Variants in CCDC57 observed in about 807,000 individuals in gnomAD.
The protein encoded by CCDC57 is coiled-coil domain-containing protein 57.
A neutral mutation model predicts 118.9 loss-of-function variants in CCDC57; 118 were observed. The ratio of observed to expected loss-of-function variants is 0.99; its 90% confidence interval spans 0.86 to 1.16. The LOEUF (loss-of-function observed/expected upper bound fraction) is 1.16, where lower values mean the gene tolerates loss of function less well. CCDC57 is among the 50% of genes most tolerant of loss of function. The probability of loss-of-function intolerance (pLI) is 0.00; values close to 1 mark genes in which losing one functional copy is unlikely to be tolerated. For missense variants in CCDC57, 1,300 were observed against 1,320.7 expected, an observed-to-expected ratio of 0.98 and a Z score of 0.24; for synonymous variants, 527 against 532.9, an observed-to-expected ratio of 0.99 and a Z score of 0.15.
chr17:82,134,883 G>T (rs1354374326), intron 16 of CCDC57, among the ~76,000 whole-genome samples: 2 of 152,168 alleles, frequency 1.3e-5, no homozygotes, highest in Non-Finnish European at 2.9e-5. Flanking sequence ...AGCTTACTTA[G>T]AAATGACCCC....
intron 1 of CCDC57, among the ~76,000 whole-genome samples, chr17:82,208,274 T>C (rs948916326): frequency 2.0e-5 from 3 of 152,076 alleles, no homozygotes; most frequent in Admixed American, 6.6e-5. Flanking sequence ...ATTATTATTA[T>C]TTTAGACAGT....
At chr17:82,183,866 C>T (rs750142514) in exon 9 of CCDC57, 9 of 1,613,540 alleles carry the variant, frequency 5.6e-6, no homozygotes, top group Non-Finnish European at 7.6e-6. Context: ...TGGAGACCAT[C>T]TCCTTAGATA....
Position 82,143,943 on chromosome 17 carries a change from C to CA in CCDC57, c.2455+7616dup, listed in dbSNP as rs60893321. Among the ~76,000 whole-genome samples the CA allele has an allele frequency of 4.6e-3, 554 of 120,920 alleles. 2 individuals carry two copies. Among genetic ancestry groups the CA allele is most frequent in the African/African-American group, 0.013 (409 of 32,242 alleles). 79.3% of individuals were successfully genotyped at this position (120,920 alleles called of 152,430 possible). On this transcript the variant is annotated intron_variant, in intron 16 of 19. Transcript: ENST00000665763. Reference sequence around the variant, plus strand: ...GTGAAACCTGTCTCTACTAAAAATACAAAAAAAAAAAAAAAAAATTAGCTA... The same window carrying CA: ...GTGAAACCTGTCTCTACTAAAAATACAAAAAAAAAAAAAAAAAAATTAGCTA...
At chr17:82,195,414 AC>A in intron 4 of CCDC57, 50 bp from the exon 4 acceptor site, 1 of 1,430,494 alleles carries the variant, frequency 7.0e-7, no homozygotes, top group Non-Finnish European at 9.6e-7. Context: ...CCCAGCAAAG[AC>A]CCCCACCCAC....
At chr17:82,105,433 G>A (rs1266439685) in intron 19 of CCDC57, among the ~76,000 whole-genome samples, 1 of 152,120 alleles carries the variant, frequency 6.6e-6, no homozygotes, top group East Asian at 1.9e-4. Flanking sequence ...CGGCACCCAG[G>A]CCTTTAGTGC....
At chr17:82,177,589 G>A (rs1285356209) in intron 11 of CCDC57, among the ~76,000 whole-genome samples, 1 of 152,074 alleles carries the variant, frequency 6.6e-6, no homozygotes, top group African/African-American at 2.4e-5. Context: ...AATGAAGGAC[G>A]AGCTAGGAAC....
intron 4 of CCDC57, among the ~76,000 whole-genome samples, chr17:82,195,649 T>C (rs55813970): frequency 0.014 from 2,123 of 152,114 alleles, 39 homozygotes; most frequent in African/African-American, 0.048. Context: ...GAAAAATCCT[T>C]ATCTCCATTG....
At chr17:82,163,687 C>T (rs143151794) in intron 13 of CCDC57, among the ~76,000 whole-genome samples, 3 of 143,822 alleles carry the variant, frequency 2.1e-5, no homozygotes, top group African/African-American at 5.1e-5. Flanking sequence ...AAAAAGATGC[C>T]ACATAACACA....
At chr17:82,151,052 GAC>G (rs2041936110) in intron 16 of CCDC57, among the ~76,000 whole-genome samples, 1 of 108,102 alleles carries the variant, frequency 9.3e-6, no homozygotes, top group African/African-American at 3.5e-5. Context: ...CCCAGAACCT[GAC>G]CCGCACCCAG....
At chr17:82,206,212 C>A (rs1368855844) in intron 2 of CCDC57, among the ~76,000 whole-genome samples, 4 of 152,254 alleles carry the variant, frequency 2.6e-5, no homozygotes, top group African/African-American at 9.6e-5. Context: ...CATGGGTGGG[C>A]ATCCCATCAC....
At position 82,128,474 on chromosome 17, in the gene CCDC57, C is replaced by T. The variant is rs753188569; in HGVS notation, c.2682+19G>A. 13 of 1,526,318 alleles carry T rather than the reference C, an allele frequency of 8.5e-6. No homozygotes were observed. Among genetic ancestry groups the T allele is most frequent in the South Asian group, 2.4e-5 (2 of 83,610 alleles). 94.5% of individuals were successfully genotyped at this position (1,526,318 alleles called of 1,614,324 possible). ...CACACCCCACACAGCTGCACTTGCT[C>T]GGGCGCCGCCACTCTCACCTTCGGG... is the stretch of plus-strand genomic sequence containing the variant. On this transcript the variant is annotated intron_variant, in intron 18 of 19. Coordinates refer to ENST00000665763, the Ensembl canonical transcript of CCDC57.
intron 9 of CCDC57, among the ~76,000 whole-genome samples, chr17:82,183,181 G>A (rs192761581): frequency 3.9e-5 from 6 of 152,162 alleles, no homozygotes; most frequent in Non-Finnish European, 5.9e-5. Context: ...AATTCATCAA[G>A]TGTAGAGTTA....
At chr17:82,157,687 C>A (rs1489491771) in intron 15 of CCDC57, 61 bp downstream of exon 14, 15 of 1,527,256 alleles carry the variant, frequency 9.8e-6, no homozygotes, top group Non-Finnish European at 1.2e-5. Flanking sequence ...AGAGCACAGG[C>A]AAGGACGGTT....
chr17:82,211,719 T>C (rs774924339), intron 1 of CCDC57, among the ~76,000 whole-genome samples: 3 of 152,178 alleles, frequency 2.0e-5, no homozygotes, highest in African/African-American at 7.2e-5. Flanking sequence ...TTTTGGTTTC[T>C]TCGCTTGCAG....
chr17:82,184,552 G>T (rs1335006099), intron 8 of CCDC57, among the ~76,000 whole-genome samples: 1 of 152,258 alleles, frequency 6.6e-6, no homozygotes, highest in Non-Finnish European at 1.5e-5. Flanking sequence ...TAGGCAAGAT[G>T]ATACCTGCCC....
intron 13 of CCDC57, 98 bp from the exon 13 acceptor site, chr17:82,163,455 G>T: frequency 6.9e-7 from 1 of 1,449,958 alleles, no homozygotes; most frequent in Admixed American, 2.1e-5. Context: ...TTTCCCGTGA[G>T]GCCATGGCAC....
At chr17:82,134,567 G>T (rs975410047) in intron 16 of CCDC57, among the ~76,000 whole-genome samples, 3 of 152,118 alleles carry the variant, frequency 2.0e-5, no homozygotes, top group Non-Finnish European at 2.9e-5. Context: ...GCTGAGGCAG[G>T]TTGCTCACTT....
At chr17:82,164,537 C>A (rs1288566229) in intron 13 of CCDC57, among the ~76,000 whole-genome samples, 1 of 151,898 alleles carries the variant, frequency 6.6e-6, no homozygotes, top group African/African-American at 2.4e-5. Flanking sequence ...AAATAAACAC[C>A]CAATAATACT....
intron 8 of CCDC57, 134 bp from the exon 8 acceptor site, chr17:82,184,066 C>CACACAA: frequency 1.7e-6 from 1 of 591,720 alleles, no homozygotes; most frequent in East Asian, 2.8e-5. Flanking sequence ...CACACACACA[C>CACACAA]ACACACACAC....
Sources: allele counts gnomAD v4.1 joint callset (sites outside exome capture counted in the v4.1 genomes callset), GRCh38; gene constraint gnomAD v4.1.1; transcripts MANE v1.5; gene names NCBI Gene and HGNC (gene_info 2026-07-23, HGNC 2026-07-21).